The following SAMD12 variants were observed in gnomAD, a reference collection of about 807,000 sequenced individuals.
SAMD12 encodes sterile alpha motif domain containing 12, also known as sterile alpha motif domain-containing protein 12.
A neutral mutation model predicts 15.0 loss-of-function variants in SAMD12; 9 were observed. The observed-to-expected ratio is 0.60, with a 90% CI of 0.36 to 1.05. The LOEUF is 1.05. Ranked by LOEUF, SAMD12 falls within the 50% of genes least tolerant of loss-of-function variation. SAMD12 has a pLI of 0.01. For missense variants in SAMD12, 230 were observed against 234.2 expected, an observed-to-expected ratio of 0.98 and a Z score of 0.12; for synonymous variants, 86 against 90.1, an observed-to-expected ratio of 0.96 and a Z score of 0.25.
chr8:118,191,600 C>T (rs1819374182), exon 5 of SAMD12: 1 of 151,008 alleles, frequency 6.6e-6, no homozygotes. Flanking sequence ...TCTGCAGCAG[C>T]TGGTATGTGG....
chr8:118,259,106 G>A (rs762159451), intron 4 of SAMD12, among the ~76,000 whole-genome samples: 11 of 152,062 alleles, frequency 7.2e-5, no homozygotes, highest in Non-Finnish European at 1.5e-4. Context: ...AACAAAAACC[G>A]TGAAACACAG....
chr8:118,426,654 CTAAA>C (rs1340406188), intron 3 of SAMD12, among the ~76,000 whole-genome samples: 1 of 152,160 alleles, frequency 6.6e-6, no homozygotes, highest in Non-Finnish European at 1.5e-5. Flanking sequence ...AATACTATCA[CTAAA>C]TAAATTTTGA....
chr8:118,458,948 A>ATG (rs1364088098), intron 2 of SAMD12, among the ~76,000 whole-genome samples: 1 of 75,228 alleles, frequency 1.3e-5, no homozygotes, highest in African/African-American at 4.7e-5. Context: ...CTTCAGCTAT[A>ATG]TATGTGTGTG....
intron 2 of SAMD12, among the ~76,000 whole-genome samples, chr8:118,442,165 T>C: frequency 6.6e-6 from 1 of 152,226 alleles, no homozygotes; most frequent in East Asian, 1.9e-4. Context: ...TGTTTTGCAA[T>C]CCTAGTAAGT....
chr8:118,242,421 C>T (rs969014602), intron 4 of SAMD12, among the ~76,000 whole-genome samples: 1 of 152,130 alleles, frequency 6.6e-6, no homozygotes, highest in African/African-American at 2.4e-5. Flanking sequence ...TGCAGTTATC[C>T]TTGGTACAGT....
At chr8:118,464,342 C>G (rs1823522602) in intron 2 of SAMD12, among the ~76,000 whole-genome samples, 1 of 152,164 alleles carries the variant, frequency 6.6e-6, no homozygotes, top group Non-Finnish European at 1.5e-5. Context: ...CAGAGTGACT[C>G]TATTTCCACT....
At chr8:118,342,363 C>T (rs1817419077) in intron 4 of SAMD12, among the ~76,000 whole-genome samples, 1 of 151,590 alleles carries the variant, frequency 6.6e-6, no homozygotes, top group Admixed American at 6.6e-5. Flanking sequence ...CTTAAAATAA[C>T]AATCTTAAAA....
Position 118,548,376 on chromosome 8 carries a change from A to AACAC in SAMD12, c.192+32335_192+32338dup, listed in dbSNP as rs1320502331. 7.1e-5 allele frequency among the ~76,000 whole-genome samples: 9 copies of AACAC among 126,802 alleles called. No homozygotes were observed. In the East Asian group the frequency reaches 1.3e-3, roughly 19 times the overall value. 83.2% of individuals were successfully genotyped at this position (126,802 alleles called of 152,430 possible). A position where few individuals can be genotyped will look rare whatever the true frequency, so the allele number is the denominator to read the frequency against. ...TGTTCATAATACCCTTTACACTAAA[A>AACAC]ACACACATACACACACACACACACA... On this transcript the variant is annotated intron_variant, in intron 2 of 3. Transcript: ENST00000314727.
the SAMD12 span, among the ~76,000 whole-genome samples, chr8:118,156,113 C>G: frequency 1.3e-5 from 2 of 152,180 alleles, no homozygotes; most frequent in Non-Finnish European, 2.9e-5. Flanking sequence ...TGGCACCAAA[C>G]TCACATGGAA....
chr8:118,285,612 C>G (rs957651020), intron 4 of SAMD12, among the ~76,000 whole-genome samples: 6 of 152,216 alleles, frequency 3.9e-5, no homozygotes, highest in African/African-American at 1.4e-4. Context: ...TGTGGCATAG[C>G]ACAAATGGAC....
chr8:118,366,628 C>A (rs1416292807), intron 4 of SAMD12, among the ~76,000 whole-genome samples: 2 of 151,732 alleles, frequency 1.3e-5, no homozygotes, highest in African/African-American at 2.4e-5. Context: ...GCCTGACCAA[C>A]ATGGTGAAAT....
At chr8:118,385,632 C>T (rs1819914394) in intron 3 of SAMD12, among the ~76,000 whole-genome samples, 1 of 152,122 alleles carries the variant, frequency 6.6e-6, no homozygotes, top group South Asian at 2.1e-4. Flanking sequence ...CTCTGGAGAA[C>T]ACTAACATGC....
chr8:118,512,709 A>G (rs1219590145), intron 2 of SAMD12, among the ~76,000 whole-genome samples: 1 of 152,218 alleles, frequency 6.6e-6, no homozygotes, highest in African/African-American at 2.4e-5. Context: ...ATACTAATCT[A>G]CTAGCCACAC....
intron 4 of SAMD12, among the ~76,000 whole-genome samples, chr8:118,307,755 C>G (rs1243672025): frequency 6.6e-6 from 1 of 152,074 alleles, no homozygotes; most frequent in East Asian, 1.9e-4. Context: ...CAGTTTGGCT[C>G]TATACACTTG....
chr8:118,257,562 TG>T (rs2130046673), intron 4 of SAMD12, among the ~76,000 whole-genome samples: 1 of 152,232 alleles, frequency 6.6e-6, no homozygotes, highest in South Asian at 2.1e-4. Context: ...ATACGGAATC[TG>T]CAAGTACAAG....
chr8:118,388,964 C>T (rs888855931), intron 3 of SAMD12, among the ~76,000 whole-genome samples: 2 of 152,038 alleles, frequency 1.3e-5, no homozygotes, highest in African/African-American at 4.8e-5. Flanking sequence ...AGTCAGATAC[C>T]CCTGCACTCT....
At chr8:118,589,611 G>C (rs1201519154) in intron 1 of SAMD12, among the ~76,000 whole-genome samples, 3 of 152,214 alleles carry the variant, frequency 2.0e-5, no homozygotes, top group East Asian at 3.8e-4. Flanking sequence ...TTCATGAGGA[G>C]AATACAAGGG....
At position 118,465,316 on chromosome 8, in the gene SAMD12, A is replaced by G. The variant is rs530321821; in HGVS notation, c.193-25355T>C. On this transcript the variant is annotated intron_variant, in intron 2 of 3. Transcript: ENST00000314727. ...GATGTCTTCCTAATACGATTACTCA[A>G]CTTTTTTTTTGCTCTGGTACCATGA... Among the ~76,000 whole-genome samples the G allele has an allele frequency of 4.6e-5, 7 of 152,186 alleles. No individual in the cohort carries two copies. In the East Asian group the frequency reaches 1.4e-3, roughly 29 times the overall value.
chr8:118,194,096 A>C (rs1326863775), exon 5 of SAMD12: 2 of 152,202 alleles, frequency 1.3e-5, no homozygotes, highest in Admixed American at 6.5e-5. Flanking sequence ...ATTTGCAGAC[A>C]AAGAAAGCAT....
Sources: allele counts gnomAD v4.1 joint callset (sites outside exome capture counted in the v4.1 genomes callset), GRCh38; gene constraint gnomAD v4.1.1; transcripts MANE v1.5; gene names NCBI Gene and HGNC (gene_info 2026-07-23, HGNC 2026-07-21).